The following MAPKAP1 variants were observed in gnomAD, a reference collection of about 807,000 sequenced individuals.
MAPKAP1 encodes target of rapamycin complex 2 subunit MAPKAP1.
A neutral mutation model predicts 65.7 loss-of-function variants in MAPKAP1; 20 were observed. The observed-to-expected ratio is 0.30, with a 90% CI of 0.21 to 0.44. The LOEUF (loss-of-function observed/expected upper bound fraction) is 0.44. MAPKAP1 is among the 20% of genes least tolerant of loss of function. The pLI, the probability that MAPKAP1 is intolerant of heterozygous loss-of-function variation, is 1.00. For missense variants in MAPKAP1, 423 were observed against 648.0 expected, an observed-to-expected ratio of 0.65 and a Z score of 3.77; for synonymous variants, 222 against 244.3, an observed-to-expected ratio of 0.91 and a Z score of 0.85.
At chr9:125,448,206 G>A (rs760731910) in intron 10 of MAPKAP1, among the ~76,000 whole-genome samples, 34 of 152,164 alleles carry the variant, frequency 2.2e-4, no homozygotes, top group Non-Finnish European at 4.7e-4. Context: ...AAGGAATGGA[G>A]GCGAGAACTA....
chr9:125,572,238 T>C (rs1028665365), intron 5 of MAPKAP1, among the ~76,000 whole-genome samples: 3 of 152,338 alleles, frequency 2.0e-5, no homozygotes, highest in East Asian at 3.9e-4. Context: ...CCAAGTTATC[T>C]TGGGACCCCA....
At chr9:125,451,006 T>C (rs1192203135) in intron 10 of MAPKAP1, 2 of 152,300 alleles carry the variant, frequency 1.3e-5, no homozygotes, top group East Asian at 1.9e-4. Context: ...TGGGCAACCA[T>C]AGTAATGACC....
Position 125,518,496 on chromosome 9 carries a change from C to T in MAPKAP1, c.959-12079G>A, listed in dbSNP as rs151209319. ...GCTCGAGACCAGTGAAACCTCGTCG[C>T]TACAAAAAATTAAAAAAAAAAAAAT... On this transcript the variant is annotated intron_variant, in intron 7 of 11. Coordinates refer to ENST00000265960, the MANE Select transcript of MAPKAP1 (RefSeq NM_001006617.3). Among the ~76,000 whole-genome samples, 457 of 151,794 alleles carry T rather than the reference C, an allele frequency of 3.0e-3. 2 individuals carry two copies. Among genetic ancestry groups the T allele is most frequent in the Middle Eastern group, 0.01 (3 of 294 alleles).
intron 4 of MAPKAP1, among the ~76,000 whole-genome samples, chr9:125,640,422 C>T (rs1359193363): frequency 1.3e-5 from 2 of 152,032 alleles, no homozygotes; most frequent in African/African-American, 4.8e-5. Flanking sequence ...TTATCTCAGA[C>T]TCTGAACTGG....
intron 3 of MAPKAP1, among the ~76,000 whole-genome samples, chr9:125,664,840 G>A (rs1166038701): frequency 6.6e-6 from 1 of 152,058 alleles, no homozygotes; most frequent in African/African-American, 2.4e-5. Flanking sequence ...AGGGAGCAGA[G>A]CAGAGTAGAA....
chr9:125,453,183 G>C (rs1250813693), intron 10 of MAPKAP1, among the ~76,000 whole-genome samples: 1 of 152,152 alleles, frequency 6.6e-6, no homozygotes, highest in Non-Finnish European at 1.5e-5. Context: ...TCAGCCTTCT[G>C]AGTAGCTGGG....
chr9:125,675,973 A>T (rs1019123194), intron 1 of MAPKAP1, among the ~76,000 whole-genome samples: 3 of 152,236 alleles, frequency 2.0e-5, no homozygotes, highest in South Asian at 2.1e-4. Context: ...AGAATATTTT[A>T]AAAAATCTCC....
chr9:125,438,365 C>A lies in MAPKAP1; in HGVS notation c.*522G>T. On this transcript the variant is annotated 3_prime_UTR_variant, in exon 12 of 12. Coordinates refer to ENST00000265960, the MANE Select transcript of MAPKAP1 (RefSeq NM_001006617.3). ...GACCTAAACATTTCTTCTGAGAAAT[C>A]GAACCATAGCTTTTCCAATCTGCCT... 2.5e-6 allele frequency: 1 copy of A among 399,166 alleles called. No homozygotes were observed. The highest frequency in any genetic ancestry group is 4.4e-6 in the Non-Finnish European group (1 of 226,286). The allele number at this position is 399,166 out of a possible 1,614,324, so 24.7% of individuals were successfully genotyped here. A position where few individuals can be genotyped will look rare whatever the true frequency, so the allele number is the denominator to read the frequency against.
chr9:125,571,485 A>C (rs548542060), intron 5 of MAPKAP1, among the ~76,000 whole-genome samples: 32 of 152,370 alleles, frequency 2.1e-4, no homozygotes, highest in African/African-American at 4.3e-4. Flanking sequence ...AATGTTCATG[A>C]ATATCTAATA....
chr9:125,640,928 A>G (rs1187540802), intron 4 of MAPKAP1, among the ~76,000 whole-genome samples: 1 of 152,236 alleles, frequency 6.6e-6, no homozygotes, highest in Non-Finnish European at 1.5e-5. Context: ...TATTTCTTTT[A>G]ATACATGTGG....
chr9:125,540,570 C>G (rs1830214718), intron 7 of MAPKAP1, among the ~76,000 whole-genome samples: 1 of 152,238 alleles, frequency 6.6e-6, no homozygotes, highest in African/African-American at 2.4e-5. Flanking sequence ...AAGTGCTGTT[C>G]TGTACTCAAT....
chr9:125,514,164 T>C (rs1192659360), intron 7 of MAPKAP1, among the ~76,000 whole-genome samples: 1 of 152,124 alleles, frequency 6.6e-6, no homozygotes, highest in African/African-American at 2.4e-5. Flanking sequence ...CCCTCTTCCC[T>C]CTTCTTCACC....
At chr9:125,617,478 A>G (rs1589346481) in intron 4 of MAPKAP1, among the ~76,000 whole-genome samples, 1 of 152,220 alleles carries the variant, frequency 6.6e-6, no homozygotes, top group Non-Finnish European at 1.5e-5. Flanking sequence ...AATCTTTTTA[A>G]AAGTCTGTAA....
intron 9 of MAPKAP1, among the ~76,000 whole-genome samples, chr9:125,474,526 T>C (rs1204193210): frequency 6.6e-6 from 1 of 152,148 alleles, no homozygotes; most frequent in Non-Finnish European, 1.5e-5. Context: ...TGTACTAGCC[T>C]ATGGTGAATC....
intron 6 of MAPKAP1, among the ~76,000 whole-genome samples, chr9:125,554,849 T>C (rs1830692345): frequency 6.7e-6 from 1 of 149,002 alleles, no homozygotes; most frequent in Non-Finnish European, 1.5e-5. Context: ...TTAAAATTTA[T>C]GTGTTTGTGT....
chr9:125,683,892 T>C (rs150382145), intron 1 of MAPKAP1, among the ~76,000 whole-genome samples: 208 of 152,286 alleles, frequency 1.4e-3, no homozygotes, highest in African/African-American at 4.9e-3. Flanking sequence ...TCCCTCCCCA[T>C]CTTGCAACTT....
intron 3 of MAPKAP1, among the ~76,000 whole-genome samples, chr9:125,664,029 G>C (rs932792437): frequency 6.6e-6 from 1 of 152,104 alleles, no homozygotes; most frequent in Admixed American, 6.6e-5. Flanking sequence ...AGGGAGCAGC[G>C]GGATACAAAA....
intron 5 of MAPKAP1, among the ~76,000 whole-genome samples, chr9:125,570,454 T>C (rs1183835036): frequency 6.6e-6 from 1 of 152,266 alleles, no homozygotes; most frequent in Non-Finnish European, 1.5e-5. Flanking sequence ...CCCCCAGCTA[T>C]GCTGGAGAGT....
chr9:125,689,450 A>AC (rs1564618031), intron 1 of MAPKAP1, among the ~76,000 whole-genome samples: 21 of 143,248 alleles, frequency 1.5e-4, no homozygotes, highest in Non-Finnish European at 3.1e-4. Flanking sequence ...AAAAAAAAAA[A>AC]AAAAAAAAAA....
Sources: gnomAD v4.1 joint callset for allele counts (sites outside exome capture counted in the v4.1 genomes callset) on GRCh38, gnomAD v4.1.1 for gene constraint, MANE v1.5 for transcripts, NCBI Gene and HGNC (gene_info 2026-07-23, HGNC 2026-07-21) for gene names.